The following RAB38 variants were observed in gnomAD, a reference collection of about 807,000 sequenced individuals.
RAB38 encodes the protein ras-related protein Rab-38.
In RAB38, 15 loss-of-function variants were observed where a neutral mutation model predicts 18.4. The ratio of observed to expected loss-of-function variants is 0.82; its 90% confidence interval spans 0.55 to 1.26. RAB38 has a LOEUF of 1.26. RAB38 is among the 50% of genes most tolerant of loss of function. RAB38 has a pLI of 0.00. For synonymous variants in RAB38, 101 were observed against 104.4 expected (o/e 0.97, Z 0.20); for missense variants, 294 against 267.4 (o/e 1.10, Z -0.69).
chr11:87,849,105 T>C, the RAB38 span, among the ~76,000 whole-genome samples: 4 of 152,200 alleles, frequency 2.6e-5, no homozygotes, highest in East Asian at 7.8e-4. Flanking sequence ...AGGGCCCTGA[T>C]AAACATGACT....
At chr11:88,152,722 G>A (rs1467555445) in intron 1 of RAB38, among the ~76,000 whole-genome samples, 2 of 152,146 alleles carry the variant, frequency 1.3e-5, no homozygotes, top group Non-Finnish European at 2.9e-5. Context: ...GGGCAAAGTA[G>A]AGACCTGATG....
chr11:87,832,592 C>G, the RAB38 span, among the ~76,000 whole-genome samples: 2 of 152,036 alleles, frequency 1.3e-5, no homozygotes, highest in African/African-American at 4.8e-5. Context: ...TCGCAGAACT[C>G]TCTCCAGTCC....
chr11:88,162,082 T>C (rs1471239225), intron 1 of RAB38, among the ~76,000 whole-genome samples: 1 of 152,068 alleles, frequency 6.6e-6, no homozygotes, highest in Non-Finnish European at 1.5e-5. Context: ...CTTGTGCTGG[T>C]TTTGAAAGCT....
intron 1 of RAB38, among the ~76,000 whole-genome samples, chr11:88,165,336 CT>C (rs572464246): frequency 3.3e-5 from 5 of 152,018 alleles, no homozygotes; most frequent in African/African-American, 7.2e-5. Flanking sequence ...GCTTGTTTAT[CT>C]TTTTTCTGGC....
At chr11:88,021,331 G>C in the RAB38 span, among the ~76,000 whole-genome samples, 1 of 152,022 alleles carries the variant, frequency 6.6e-6, no homozygotes, top group Non-Finnish European at 1.5e-5. Context: ...AAATTGAAAA[G>C]TCTAGATGAA....
chr11:88,069,508 C>T, the RAB38 span, among the ~76,000 whole-genome samples: 43 of 152,206 alleles, frequency 2.8e-4, no homozygotes, highest in Non-Finnish European at 5.6e-4. Flanking sequence ...CAGCTGGGCT[C>T]CTGAGTGGGG....
At chr11:87,945,870 A>G in the RAB38 span, among the ~76,000 whole-genome samples, 2 of 152,186 alleles carry the variant, frequency 1.3e-5, no homozygotes, top group East Asian at 3.8e-4. Context: ...ATATTAAGTT[A>G]GCTTTTATTG....
the RAB38 span, among the ~76,000 whole-genome samples, chr11:88,095,051 A>T: frequency 0.041 from 6,244 of 151,886 alleles, 233 homozygotes; most frequent in South Asian, 0.17. Context: ...ACTCAAAGAC[A>T]TCACTCCAAT....
intron 1 of RAB38, among the ~76,000 whole-genome samples, chr11:88,171,306 A>G (rs1410845854): frequency 6.6e-6 from 1 of 152,242 alleles, no homozygotes; most frequent in African/African-American, 2.4e-5. Flanking sequence ...TAGTAAGTAA[A>G]GAAGCTGGAA....
chr11:88,100,434 C>G, the RAB38 span, among the ~76,000 whole-genome samples: 1 of 151,916 alleles, frequency 6.6e-6, no homozygotes, highest in Non-Finnish European at 1.5e-5. Context: ...GTAAGAAAGT[C>G]TTTCCGATGG....
chr11:88,114,065 A>T lies in RAB38; in HGVS notation c.559T>A (p.Ser187Thr). 6.2e-7 allele frequency: 1 copy of T among 1,613,882 alleles called. No homozygotes were observed. The highest frequency in any genetic ancestry group is 1.1e-5 in the South Asian group (1 of 91,056). ...GGCTTCACGACGTCCGGCTCAATAG[A>T]CTCCATTAGGTCACACTCATTTGCA... Reference protein sequence around the residue: ...ILANECDLMESIEPDVVKPHL... With the variant: ...ILANECDLMETIEPDVVKPHL... The change falls in exon 3 of 3, where the codon TCT becomes ACT. Residue 187 changes from serine to threonine, a missense_variant. Coordinates refer to ENST00000243662, the MANE Select transcript of RAB38 (RefSeq NM_022337.3).
At chr11:88,049,726 C>T in the RAB38 span, among the ~76,000 whole-genome samples, 4 of 152,218 alleles carry the variant, frequency 2.6e-5, no homozygotes, top group East Asian at 3.8e-4. Context: ...GATCCACCTA[C>T]GACCTTGTTG....
At chr11:87,840,958 A>G in the RAB38 span, among the ~76,000 whole-genome samples, 5 of 152,060 alleles carry the variant, frequency 3.3e-5, no homozygotes, top group African/African-American at 1.2e-4. Context: ...AAGCATGACA[A>G]CTCTTGAAAC....
the RAB38 span, among the ~76,000 whole-genome samples, chr11:88,056,100 A>G: frequency 6.6e-6 from 1 of 152,112 alleles, no homozygotes; most frequent in African/African-American, 2.4e-5. Flanking sequence ...CCTCTGGATT[A>G]TGACTCCCTG....
chr11:87,834,657 G>A, the RAB38 span, among the ~76,000 whole-genome samples: 2 of 152,152 alleles, frequency 1.3e-5, no homozygotes, highest in Admixed American at 6.6e-5. Context: ...AAAGTTCTTT[G>A]TTAAATATAT....
At chr11:88,024,891 G>A in the RAB38 span, among the ~76,000 whole-genome samples, 2 of 146,200 alleles carry the variant, frequency 1.4e-5, no homozygotes, top group African/African-American at 4.9e-5. Flanking sequence ...GGTGGAGATG[G>A]AGATGATTAA....
the RAB38 span, among the ~76,000 whole-genome samples, chr11:88,004,021 C>G: frequency 1.0e-4 from 14 of 136,896 alleles, no homozygotes; most frequent in East Asian, 2.5e-3. Flanking sequence ...TATGTACCTT[C>G]TCTTCTATTT....
At chr11:87,890,894 C>T in the RAB38 span, among the ~76,000 whole-genome samples, 2 of 151,778 alleles carry the variant, frequency 1.3e-5, no homozygotes, top group Non-Finnish European at 1.5e-5. Flanking sequence ...AAACTGAAAA[C>T]ATGGGAACCC....
chr11:87,970,164 T>G, the RAB38 span, among the ~76,000 whole-genome samples: 144,151 of 152,118 alleles, frequency 0.95, 68,476 homozygotes, highest in South Asian at 0.98. Context: ...GCACTCAACT[T>G]GGGAGCAAAA....
Sources: allele counts gnomAD v4.1 joint callset (sites outside exome capture counted in the v4.1 genomes callset), GRCh38; gene constraint gnomAD v4.1.1; transcripts MANE v1.5; gene names NCBI Gene and HGNC (gene_info 2026-07-23, HGNC 2026-07-21).